The following POT1 variants were observed in gnomAD, a reference collection of about 807,000 sequenced individuals.
The protein encoded by POT1 is protection of telomeres protein 1.
Under a neutral mutation model 78.5 loss-of-function variants are expected in POT1, and 47 were observed. That is an observed-to-expected ratio of 0.60 (90% CI 0.47 to 0.76). The LOEUF is 0.76. Among genes scored for constraint, POT1 ranks in the 30% least tolerant of loss-of-function variants. The pLI, the probability that POT1 is intolerant of heterozygous loss-of-function variation, is 0.00. For missense variants in POT1, 646 were observed against 749.9 expected (o/e 0.86, Z 1.62); for synonymous variants, 259 against 260.7 (o/e 0.99, Z 0.06).
At chr7:124,857,244 T>C (rs191888675) in intron 9 of POT1, among the ~76,000 whole-genome samples, 227 of 152,322 alleles carry the variant, frequency 1.5e-3, no homozygotes, top group African/African-American at 4.7e-3. Context: ...AAGATATTTG[T>C]GATGGAGATC....
At chr7:124,919,840 C>T (rs1004722532) in intron 2 of POT1, among the ~76,000 whole-genome samples, 20 of 152,242 alleles carry the variant, frequency 1.3e-4, no homozygotes, top group Admixed American at 1.0e-3. Flanking sequence ...ATTTTCTAAG[C>T]TCAGTGCCCC....
chr7:124,824,269 G>A (rs951074148), intron 18 of POT1, among the ~76,000 whole-genome samples, 195 bp from the exon 19 acceptor site: 1 of 151,388 alleles, frequency 6.6e-6, no homozygotes, highest in Non-Finnish European at 1.5e-5. Flanking sequence ...TTGTTTTGGA[G>A]CAATTGTGAC....
intron 8 of POT1, among the ~76,000 whole-genome samples, chr7:124,861,177 G>T (rs541957798): frequency 6.6e-6 from 1 of 152,106 alleles, no homozygotes; most frequent in Non-Finnish European, 1.5e-5. Flanking sequence ...TTCAGGAATC[G>T]CCACACTGTC....
intron 5 of POT1, 143 bp downstream of exon 5, chr7:124,897,022 T>A: frequency 2.4e-6 from 1 of 420,788 alleles, no homozygotes; most frequent in East Asian, 3.7e-5. Context: ...TATAAAAAAG[T>A]AAAGATTATG....
chr7:124,873,144 G>A (rs1795910397), intron 6 of POT1, among the ~76,000 whole-genome samples: 1 of 152,064 alleles, frequency 6.6e-6, no homozygotes, highest in Admixed American at 6.6e-5. Flanking sequence ...CTGTGCAGAA[G>A]GTTTTTAAGT....
chr7:124,879,147 T>A (rs1796058665), intron 6 of POT1, among the ~76,000 whole-genome samples: 2 of 152,186 alleles, frequency 1.3e-5, no homozygotes, highest in Non-Finnish European at 2.9e-5. Flanking sequence ...ATTTCTCCAA[T>A]CATAAGTTAA....
At chr7:124,905,081 A>C (rs894035628) in intron 3 of POT1, among the ~76,000 whole-genome samples, 5 of 152,214 alleles carry the variant, frequency 3.3e-5, no homozygotes, top group African/African-American at 1.2e-4. Flanking sequence ...AAGGTAATTT[A>C]TAGATTCAAT....
intron 11 of POT1, among the ~76,000 whole-genome samples, chr7:124,847,766 G>C (rs946794111): frequency 3.3e-5 from 5 of 152,160 alleles, no homozygotes; most frequent in African/African-American, 1.2e-4. Flanking sequence ...ATTGTATTTT[G>C]ATTTTTTACT....
intron 8 of POT1, among the ~76,000 whole-genome samples, chr7:124,862,102 T>C (rs1314198702): frequency 6.6e-6 from 1 of 152,028 alleles, no homozygotes; most frequent in Non-Finnish European, 1.5e-5. Flanking sequence ...TTTTTGACTT[T>C]TCAATATTGT....
In POT1 at chr7:124,847,599, T is replaced by G. The variant is rs1473336187; in HGVS notation, c.950-601A>C. 2.6e-5 allele frequency among the ~76,000 whole-genome samples: 4 copies of G among 152,196 alleles called. No individual in the cohort carries two copies. The East Asian group carries it at 5.8e-4, about 22-fold the overall frequency. ...AGAAAATCTAGAATATTAAATAACA[T>G]TTTAAAAAATAACAAAGTTGGAGAA... On this transcript the variant is annotated intron_variant, in intron 11 of 18. Transcript: ENST00000357628.
chr7:124,889,269 A>G (rs1337475107), intron 6 of POT1, among the ~76,000 whole-genome samples: 1 of 152,088 alleles, frequency 6.6e-6, no homozygotes, highest in African/African-American at 2.4e-5. Context: ...GCCAAAGCCT[A>G]AAGTAGAATG....
intron 16 of POT1, 61 bp from the exon 17 acceptor site, chr7:124,827,366 G>T: frequency 2.0e-6 from 2 of 977,128 alleles, no homozygotes; most frequent in South Asian, 1.8e-5. Flanking sequence ...TCAAGGTAAA[G>T]TTAAAATTGT....
chr7:124,838,731 G>C (rs899385663), intron 14 of POT1, among the ~76,000 whole-genome samples: 1 of 151,892 alleles, frequency 6.6e-6, no homozygotes, highest in Non-Finnish European at 1.5e-5. Flanking sequence ...TCAGCCTCCC[G>C]AGTAGTTGGG....
At chr7:124,824,651 T>C (rs567478980) in intron 18 of POT1, among the ~76,000 whole-genome samples, 1 of 152,038 alleles carries the variant, frequency 6.6e-6, no homozygotes, top group Non-Finnish European at 1.5e-5. Flanking sequence ...AAAAAATTGT[T>C]AGAAAAATCA....
chr7:124,874,150 A>T (rs910461962), intron 6 of POT1, among the ~76,000 whole-genome samples: 1 of 152,194 alleles, frequency 6.6e-6, no homozygotes, highest in Non-Finnish European at 1.5e-5. Context: ...TGCACTCATT[A>T]ACTGGGAAGT....
intron 17 of POT1, among the ~76,000 whole-genome samples, chr7:124,825,917 A>G (rs1174604317): frequency 6.6e-6 from 1 of 152,158 alleles, no homozygotes; most frequent in Non-Finnish European, 1.5e-5. Flanking sequence ...TTTCCAATCC[A>G]TGTAGTAAAC....
chr7:124,827,472 T>C lies in POT1; in HGVS notation c.1595-167A>G, dbSNP rs35361757. Among the ~76,000 whole-genome samples, 708 of 152,304 alleles carry C rather than the reference T, an allele frequency of 4.6e-3. 8 individuals carry two copies. Among genetic ancestry groups the C allele is most frequent in the African/African-American group, 0.016 (666 of 41,566 alleles). On this transcript the variant is annotated intron_variant, in intron 16 of 18. Coordinates refer to ENST00000357628, the MANE Select transcript of POT1 (RefSeq NM_015450.3). ...ATCTCCAGGTAGATAGTGTCAGAAT[T>C]GAACTGGAGGACACCCAGCTGGCGT...
At chr7:124,828,669 G>A (rs1033246042) in intron 16 of POT1, among the ~76,000 whole-genome samples, 3 of 151,912 alleles carry the variant, frequency 2.0e-5, no homozygotes, top group Non-Finnish European at 4.4e-5. Flanking sequence ...AGAATAGAAC[G>A]AAGAGACCAA....
chr7:124,844,177 G>T (rs1795102279), intron 12 of POT1, among the ~76,000 whole-genome samples: 1 of 146,872 alleles, frequency 6.8e-6, no homozygotes, highest in African/African-American at 2.5e-5. Context: ...TGCCCAGGCT[G>T]GAGTGCAATG....
Sources: allele counts gnomAD v4.1 joint callset (sites outside exome capture counted in the v4.1 genomes callset), GRCh38; gene constraint gnomAD v4.1.1; transcripts MANE v1.5; gene names NCBI Gene and HGNC (gene_info 2026-07-23, HGNC 2026-07-21).